Variants in ZFYVE1 observed in about 807,000 individuals in gnomAD.
The protein encoded by ZFYVE1 is zinc finger FYVE domain-containing protein 1.
In ZFYVE1, 30 loss-of-function variants were observed where a neutral mutation model predicts 74.4. The ratio of observed to expected loss-of-function variants is 0.40; its 90% CI spans 0.30 to 0.55. The LOEUF (loss-of-function observed/expected upper bound fraction) is 0.55, where lower values mean the gene tolerates loss of function less well. Among genes scored for constraint, ZFYVE1 ranks in the 20% least tolerant of loss-of-function variants. The pLI is 0.42. For synonymous variants in ZFYVE1, 335 were observed against 385.1 expected, an observed-to-expected ratio of 0.87 and a Z score of 1.52; for missense variants, 703 against 1,011.6, an observed-to-expected ratio of 0.69 and a Z score of 4.14.
chr14:72,975,593 G>T lies in ZFYVE1; in HGVS notation c.1764C>A (p.Asp588Glu), dbSNP rs903826574. 3 of 1,614,128 alleles carry T rather than the reference G, an allele frequency of 1.9e-6. No individual in the cohort carries two copies. Among genetic ancestry groups the T allele is most frequent in the Non-Finnish European group, 2.5e-6 (3 of 1,180,016 alleles). ...PTKAVTSWLT[D>E]QIAPAYWRPN... ...GCCTCCAGTAGGCAGGGGCGATCTG[G>T]TCTGTCAGCCAGGAAGTCACAGCCT... The change falls in exon 9 of 12, where the codon GAC becomes GAA. Residue 588 changes from aspartate to glutamate, a missense_variant. Around this residue, in one of 2 missense-constraint regions of ZFYVE1, gnomAD observed 492 missense variants for 790.0 expected, o/e 0.62. Coordinates refer to ENST00000556143, the MANE Select transcript of ZFYVE1 (RefSeq NM_021260.4). This position sits in a 1 kb window ranked among gnomAD's most constrained non-coding sequence, Gnocchi z 4.1.
rs890769262 is a variant in ZFYVE1, at chr14:72,989,056, T to C, written c.1203+4087A>G. Among the ~76,000 whole-genome samples, 3 of 151,170 alleles carry C rather than the reference T, an allele frequency of 2.0e-5. 1 individual carries two copies. The highest frequency in any genetic ancestry group is 2.9e-5 in the Non-Finnish European group (2 of 67,882). On this transcript the variant is annotated intron_variant, in intron 4 of 11. Transcript: ENST00000556143. The stretch of plus-strand genomic sequence containing the variant: ...AGCCATTCTGCCTCAGCATCCCAAG[T>C]AGCTGGGACTACAGGCACCCGCCAC...
chr14:73,003,703 C>CCA (rs1893922042), intron 2 of ZFYVE1, among the ~76,000 whole-genome samples: 10 of 150,552 alleles, frequency 6.6e-5, no homozygotes, highest in African/African-American at 2.4e-5. Context: ...GAGCAAGACT[C>CCA]TAACTGGAAA....
rs951255741 is a variant in ZFYVE1, at chr14:73,024,762, A to G, written c.-254T>C. On this transcript the variant is annotated 5_prime_UTR_variant, in exon 2 of 12. Coordinates refer to ENST00000556143, the MANE Select transcript of ZFYVE1 (RefSeq NM_021260.4). Reference sequence around the variant, plus strand: ...GATGGTTTCATCCTCCATAAAGTGCAAGCAAAGATGTGGTCAAAATTGACT... The same window carrying G: ...GATGGTTTCATCCTCCATAAAGTGCGAGCAAAGATGTGGTCAAAATTGACT... The G allele has an allele frequency of 3.4e-5, 15 of 447,386 alleles. No individual in the cohort carries two copies. The highest frequency in any genetic ancestry group is 2.8e-4 in the African/African-American group (14 of 50,074). 27.7% of individuals were successfully genotyped at this position (447,386 alleles called of 1,614,324 possible). A position where few individuals can be genotyped will look rare whatever the true frequency, so the allele number is the denominator to read the frequency against.
chr14:73,011,864 A>G (rs928280334), intron 2 of ZFYVE1, among the ~76,000 whole-genome samples: 6 of 151,346 alleles, frequency 4.0e-5, no homozygotes, highest in Non-Finnish European at 7.4e-5. Flanking sequence ...AACCTATAAT[A>G]AGATTGCATA....
chr14:72,982,729 G>A (rs1441086895), intron 4 of ZFYVE1, among the ~76,000 whole-genome samples: 1 of 152,178 alleles, frequency 6.6e-6, no homozygotes. Flanking sequence ...GGAAAATAAG[G>A]GAAAGAAGCC....
chr14:72,990,333 T>C (rs992549305), intron 4 of ZFYVE1, among the ~76,000 whole-genome samples: 4 of 151,460 alleles, frequency 2.6e-5, no homozygotes, highest in Admixed American at 2.0e-4. Context: ...ATAGAAAATA[T>C]CAGATCTCGG....
chr14:72,998,895 G>A (rs1942285790), intron 2 of ZFYVE1, among the ~76,000 whole-genome samples: 1 of 150,890 alleles, frequency 6.6e-6, no homozygotes, highest in African/African-American at 2.4e-5. Context: ...AGGTGACTCA[G>A]GAGTCCAAGA....
chr14:73,023,960 G>T, intron 2 of ZFYVE1, 66 bp downstream of exon 2: 1 of 1,547,296 alleles, frequency 6.5e-7, no homozygotes, highest in Non-Finnish European at 8.7e-7. Flanking sequence ...ATCGTTTTTT[G>T]AGAGCTGGCT....
chr14:72,997,897 C>T lies in ZFYVE1; in HGVS notation c.902G>A (p.Arg301His), dbSNP rs1567355450. 2 of 1,614,008 alleles carry T rather than the reference C, an allele frequency of 1.2e-6. No individual in the cohort carries two copies. The highest frequency in any genetic ancestry group is 1.7e-6 in the Non-Finnish European group (2 of 1,179,948). ...FTKELKATTA[R>H]CGLDVPLSTL... Reference sequence around the variant, plus strand: ...GGATAAAGGGACATCCAGGCCACAGCGAGCAGTGGTGGCCTTGAGCTCCTT... The same window carrying T: ...GGATAAAGGGACATCCAGGCCACAGTGAGCAGTGGTGGCCTTGAGCTCCTT... The change falls in exon 3 of 12, where the codon CGC (arginine) becomes CAC (histidine). Residue 301 changes from arginine (R) to histidine (H), a missense_variant. Arg to His is a conservative substitution (Grantham distance 29). This residue lies in a region of ZFYVE1 where 492 missense variants were observed against 790.0 expected (regional missense o/e 0.62). Coordinates refer to ENST00000556143, the MANE Select transcript of ZFYVE1 (RefSeq NM_021260.4).
chr14:73,022,153 A>G (rs1369003151), intron 2 of ZFYVE1, among the ~76,000 whole-genome samples: 1 of 152,142 alleles, frequency 6.6e-6, no homozygotes, highest in African/African-American at 2.4e-5. Context: ...AATCCATAAC[A>G]AAGACATTAT....
At chr14:72,989,678 A>G (rs939834227) in intron 4 of ZFYVE1, among the ~76,000 whole-genome samples, 3 of 152,202 alleles carry the variant, frequency 2.0e-5, no homozygotes, top group Admixed American at 2.0e-4. Context: ...TTGGGAAGGA[A>G]TACAGCATGA....
In ZFYVE1 at chr14:72,981,823, A is replaced by G. The variant is rs767280322; in HGVS notation, c.1276T>C (p.Tyr426His). 25 of 1,613,910 alleles carry G rather than the reference A, an allele frequency of 1.5e-5. No homozygotes were observed. In the Admixed American group the frequency reaches 4.0e-4, roughly 26 times the overall value. The change falls in exon 5 of 12, where the codon TAT becomes CAT. Residue 426 changes from tyrosine to histidine, a missense_variant. Coordinates refer to ENST00000556143, the MANE Select transcript of ZFYVE1 (RefSeq NM_021260.4). ...MAHSSFFPDE[Y>H]FTCSSLCLSC... ...AGGCACAAGGAGGAGCAGGTGAAAT[A>G]CTCATCTGGAAAAAAGGAGCTGTGC...
At chr14:73,020,743 AG>A (rs1894302215) in intron 2 of ZFYVE1, among the ~76,000 whole-genome samples, 2 of 152,172 alleles carry the variant, frequency 1.3e-5, no homozygotes, top group Admixed American at 1.3e-4. Context: ...TTGGGAAGCC[AG>A]GGTAGGAGAA....
At chr14:73,015,453 G>A (rs557160811) in intron 2 of ZFYVE1, among the ~76,000 whole-genome samples, 1 of 150,626 alleles carries the variant, frequency 6.6e-6, no homozygotes, top group Non-Finnish European at 1.5e-5. Context: ...AGGAAGGGAG[G>A]GAGGAAATAG....
intron 2 of ZFYVE1, among the ~76,000 whole-genome samples, chr14:73,009,511 C>T (rs774124051): frequency 6.6e-6 from 1 of 152,208 alleles, no homozygotes; most frequent in Non-Finnish European, 1.5e-5. Context: ...AATCTCAGCA[C>T]TATGGGAGGC....
chr14:72,994,155 T>C (rs1893689727), intron 3 of ZFYVE1, among the ~76,000 whole-genome samples: 1 of 150,316 alleles, frequency 6.7e-6, no homozygotes, highest in African/African-American at 2.4e-5. Flanking sequence ...AAACCCCATC[T>C]CTACTAAAAA....
At chr14:72,982,278 G>A (rs1393415936) in intron 4 of ZFYVE1, among the ~76,000 whole-genome samples, 1 of 152,042 alleles carries the variant, frequency 6.6e-6, no homozygotes, top group Non-Finnish European at 1.5e-5. Flanking sequence ...CACAGGCAGA[G>A]CCCAGATGTG....
intron 2 of ZFYVE1, among the ~76,000 whole-genome samples, chr14:73,003,740 A>G (rs549814053): frequency 1.3e-5 from 2 of 152,154 alleles, no homozygotes; most frequent in African/African-American, 4.8e-5. Flanking sequence ...ACTCATTATT[A>G]TATTAATGAC....
intron 3 of ZFYVE1, among the ~76,000 whole-genome samples, chr14:72,994,572 C>T (rs1594847442): frequency 6.6e-6 from 1 of 152,066 alleles, no homozygotes; most frequent in African/African-American, 2.4e-5. Context: ...ATGCACATTA[C>T]ACTTCAAGGA....
Sources: allele counts gnomAD v4.1 joint callset (sites outside exome capture counted in the v4.1 genomes callset), GRCh38; gene constraint gnomAD v4.1.1; regional missense constraint gnomAD v4.1.1; non-coding constraint Gnocchi (gnomAD v3.1); transcripts MANE v1.5; gene names NCBI Gene and HGNC (gene_info 2026-07-23, HGNC 2026-07-21).